DNAH17: variants seen among roughly 807,000 people sequenced by gnomAD.
The protein encoded by DNAH17 is dynein axonemal heavy chain 17.
A neutral mutation model predicts 485.6 loss-of-function variants in DNAH17; 376 were observed. The observed-to-expected ratio is 0.77, with a 90% CI of 0.71 to 0.84. DNAH17 has a LOEUF of 0.84. Among genes scored for constraint, DNAH17 ranks in the 40% least tolerant of loss-of-function variants. DNAH17 has a pLI of 0.00. For missense variants in DNAH17, 6,370 were observed against 5,839.3 expected, an observed-to-expected ratio of 1.09 and a Z score of -2.96; for synonymous variants, 3,031 against 2,405.9, an observed-to-expected ratio of 1.26 and a Z score of -7.60.
chr17:78,476,502 T>C lies in DNAH17; in HGVS notation c.8154+70A>G, dbSNP rs76110741. On this transcript the variant is annotated intron_variant, in intron 52 of 80. Transcript: ENST00000389840. ...CCTTCTGAGAGGGCTGCAGTTCTCATTGGCCGCCGACACTCCACCCTCCTG... is the reference window on the plus strand; with the variant it reads ...CCTTCTGAGAGGGCTGCAGTTCTCACTGGCCGCCGACACTCCACCCTCCTG... 1.4e-3 allele frequency: 2,098 copies of C among 1,514,836 alleles called. 20 individuals carry two copies. The African/African-American group carries it at 0.023, about 17-fold the overall frequency. The allele number at this position is 1,514,836 out of a possible 1,614,324, so 93.8% of individuals were successfully genotyped here. A position where few individuals can be genotyped will look rare whatever the true frequency, so the allele number is the denominator to read the frequency against.
chr17:78,556,929 T>C (rs889997522), intron 14 of DNAH17, among the ~76,000 whole-genome samples: 3 of 152,192 alleles, frequency 2.0e-5, no homozygotes, highest in African/African-American at 7.2e-5. Context: ...AGAACACGTA[T>C]GATACCATTG....
In DNAH17 at chr17:78,466,843, G is replaced by A. The variant is rs746976086; in HGVS notation, c.8779-27C>T. The stretch of plus-strand genomic sequence containing the variant: ...TGGGTGTGGGAGACACAGATGCGCT[G>A]CCTACTGGGACTGCAGTGCTGGGGC... On this transcript the variant is annotated intron_variant, in intron 55 of 80. Coordinates refer to ENST00000389840, the MANE Select transcript of DNAH17 (RefSeq NM_173628.4). 2.6e-6 allele frequency: 4 copies of A among 1,536,422 alleles called. No individual in the cohort carries two copies. The East Asian group carries it at 7.4e-5, about 29-fold the overall frequency.
chr17:78,424,950 G>C (rs1205738219), intron 80 of DNAH17: 2 of 167,052 alleles, frequency 1.2e-5, no homozygotes, highest in East Asian at 3.5e-4. Context: ...GGTGAGACTG[G>C]GCCAGCCAGC....
Position 78,482,660 on chromosome 17 carries a change from C to T in DNAH17, c.7650-1874G>A, listed in dbSNP as rs1293044272. On this transcript the variant is annotated intron_variant, in intron 48 of 80. Coordinates refer to ENST00000389840, the MANE Select transcript of DNAH17 (RefSeq NM_173628.4). ...TGCCCACCTCACAGCTCACCCTTTC[C>T]CTGCGGGCCCATCCTTCCCACGGGC... Among the ~76,000 whole-genome samples the T allele has an allele frequency of 5.3e-5, 8 of 152,310 alleles. No homozygotes were observed. In the East Asian group the frequency reaches 1.5e-3, roughly 29 times the overall value.
intron 38 of DNAH17, 46 bp from the exon 39 acceptor site, chr17:78,495,143 C>T (rs1320321935): frequency 6.5e-7 from 1 of 1,536,436 alleles, no homozygotes; most frequent in Non-Finnish European, 8.8e-7. Context: ...ACTCCCTCCC[C>T]AACCTACACC....
At position 78,423,708 on chromosome 17, in the gene DNAH17, A is replaced by G. The variant is rs1340221459; in HGVS notation, c.*198T>C. On this transcript the variant is annotated 3_prime_UTR_variant, in exon 81 of 81. Transcript: ENST00000389840. ...TGGATGGGCACAGCTGAGTGGCTCC[A>G]CTGGCTTTAATCTGCCCCACCTCTT... 1 of 645,248 alleles carries G rather than the reference A, an allele frequency of 1.5e-6. No homozygotes were observed. Among genetic ancestry groups the G allele is most frequent in the Non-Finnish European group, 2.6e-6 (1 of 382,382 alleles). The allele number at this position is 645,248 out of a possible 1,614,324, so 40.0% of individuals were successfully genotyped here.
chr17:78,443,581 G>A (rs1568057899), intron 71 of DNAH17, among the ~76,000 whole-genome samples: 1 of 151,982 alleles, frequency 6.6e-6, no homozygotes, highest in African/African-American at 2.4e-5. Flanking sequence ...GCAGGGTCTC[G>A]CTCTGTCACC....
At chr17:78,448,303 G>A (rs892820472) in intron 69 of DNAH17, among the ~76,000 whole-genome samples, 13 of 151,550 alleles carry the variant, frequency 8.6e-5, no homozygotes, top group African/African-American at 2.2e-4. Context: ...GTTCAAGACC[G>A]GCCTGGGCAA....
chr17:78,458,139 G>C (rs2087900980), intron 62 of DNAH17, among the ~76,000 whole-genome samples: 1 of 152,224 alleles, frequency 6.6e-6, no homozygotes, highest in Non-Finnish European at 1.5e-5. Context: ...TGCTGGAAAA[G>C]TTAAGGTGAC....
intron 33 of DNAH17, chr17:78,502,083 C>T (rs955779240): frequency 1.6e-5 from 10 of 613,730 alleles, no homozygotes; most frequent in East Asian, 6.1e-5. Context: ...CTAGCATGGA[C>T]GTAGTAGAAG....
intron 1 of DNAH17, among the ~76,000 whole-genome samples, chr17:78,576,890 GGC>G (rs2092440642): frequency 1.3e-5 from 2 of 152,188 alleles, no homozygotes; most frequent in African/African-American, 2.4e-5. Context: ...CCGTTTCCTG[GGC>G]TGAAGGCCAG....
chr17:78,462,994 A>C lies in DNAH17; in HGVS notation c.9024T>G (p.Thr3008=). The change falls in exon 57 of 81, where the codon ACT becomes ACG. Residue 3008 remains threonine, a synonymous_variant. Coordinates refer to ENST00000389840, the MANE Select transcript of DNAH17 (RefSeq NM_173628.4). The stretch of plus-strand genomic sequence containing the variant: ...GTGTGGTGTAGTTGTAGCGCCTCTC[A>C]GTAGCCAGGTATACCCTGGACATCT... The part of the protein sequence containing the change: ...VNEMSRVYLA[T]ERRYNYTTPK... 6.2e-7 allele frequency: 1 copy of C among 1,613,960 alleles called. No homozygotes were observed. The highest frequency in any genetic ancestry group is 1.1e-5 in the South Asian group (1 of 91,074).
In DNAH17 at chr17:78,451,528, C is replaced by T. The variant is rs760431108; in HGVS notation, c.10675G>A (p.Glu3559Lys). The change falls in exon 66 of 81, where the codon GAG (glutamate) becomes AAG (lysine). Residue 3559 changes from glutamate (E) to lysine (K), a missense_variant. By Grantham distance (56) the Glu-to-Lys change is moderately conservative. Coordinates refer to ENST00000389840, the MANE Select transcript of DNAH17 (RefSeq NM_173628.4). ...INFLVTRDGLEDQLLAAVVAK... is the reference protein window; with the variant it reads ...INFLVTRDGLKDQLLAAVVAK... Reference sequence around the variant, plus strand: ...ACCACAGCGGCCAAGAGTTGGTCCTCGAGTCCATCCCTGGTGACCAGGAAG... The same window carrying T: ...ACCACAGCGGCCAAGAGTTGGTCCTTGAGTCCATCCCTGGTGACCAGGAAG... 13 of 1,613,674 alleles carry T rather than the reference C, an allele frequency of 8.1e-6. No individual in the cohort carries two copies. Among genetic ancestry groups the T allele is most frequent in the East Asian group, 2.2e-5 (1 of 44,856 alleles).
chr17:78,479,214 G>A (rs2089241238), intron 50 of DNAH17, 98 bp from the exon 51 acceptor site: 3 of 1,224,232 alleles, frequency 2.5e-6, no homozygotes, highest in Admixed American at 4.5e-5. Flanking sequence ...ACGAAATGGT[G>A]ACAACTGGAG....
intron 9 of DNAH17, among the ~76,000 whole-genome samples, chr17:78,567,842 G>T (rs2092293012): frequency 6.6e-6 from 1 of 152,168 alleles, no homozygotes; most frequent in Admixed American, 6.5e-5. Context: ...TGTGTGTGCA[G>T]TTCCTGTTTC....
chr17:78,500,484 G>A (rs547546283), intron 35 of DNAH17, 23 bp from the exon 36 acceptor site: 77 of 1,542,200 alleles, frequency 5.0e-5, no homozygotes, highest in African/African-American at 5.6e-5. Context: ...ACAGGTAAGC[G>A]TGTGTGCCAG....
chr17:78,567,114 C>T lies in DNAH17; in HGVS notation c.1337G>A (p.Gly446Glu), dbSNP rs1323495470. ...CCCGAGGAGGTTCCCACGCACGCCCCCAAGCTCGATTTTCTCCAGCTTCAG... is the reference window on the plus strand; with the variant it reads ...CCCGAGGAGGTTCCCACGCACGCCCTCAAGCTCGATTTTCTCCAGCTTCAG... Reference protein sequence around the residue: ...EFLKLEKIELGGVRGNLLGSL... With the variant: ...EFLKLEKIELEGVRGNLLGSL... Residue 446 changes from glycine (G) to glutamate (E), a missense_variant, in exon 10 of 81, where the codon GGG (glycine) becomes GAG (glutamate). Coordinates refer to ENST00000389840, the MANE Select transcript of DNAH17 (RefSeq NM_173628.4). 1 of 1,611,402 alleles carries T rather than the reference C, an allele frequency of 6.2e-7. No individual in the cohort carries two copies. The highest frequency in any genetic ancestry group is 2.2e-5 in the East Asian group (1 of 44,806).
intron 37 of DNAH17, among the ~76,000 whole-genome samples, chr17:78,497,555 G>A (rs1219881663): frequency 6.6e-6 from 1 of 152,252 alleles, no homozygotes; most frequent in Non-Finnish European, 1.5e-5. Context: ...GACGTCGGAG[G>A]TGCTCAGCAG....
chr17:78,423,811 CA>C lies in DNAH17; in HGVS notation c.*94del. 1 of 1,482,514 alleles carries C rather than the reference CA, an allele frequency of 6.7e-7. No homozygotes were observed. Among genetic ancestry groups the C allele is most frequent in the Non-Finnish European group, 9.2e-7 (1 of 1,089,572 alleles). The allele number at this position is 1,482,514 out of a possible 1,614,324, so 91.8% of individuals were successfully genotyped here. A position where few individuals can be genotyped will look rare whatever the true frequency, so the allele number is the denominator to read the frequency against. On this transcript the variant is annotated 3_prime_UTR_variant, in exon 81 of 81. Coordinates refer to ENST00000389840, the MANE Select transcript of DNAH17 (RefSeq NM_173628.4). ...ATTATTTAAGAGAACGAAAAACCACCACCAGTTCCTGTAAAGAATAAGTCAC... is the reference window on the plus strand; with the variant it reads ...ATTATTTAAGAGAACGAAAAACCACCCCAGTTCCTGTAAAGAATAAGTCAC...
Sources: allele counts gnomAD v4.1 joint callset (sites outside exome capture counted in the v4.1 genomes callset), GRCh38; gene constraint gnomAD v4.1.1; transcripts MANE v1.5; gene names NCBI Gene and HGNC (gene_info 2026-07-23, HGNC 2026-07-21).